Variants in MCF2L observed in about 807,000 individuals in gnomAD.
MCF2L encodes the protein MCF.2 cell line derived transforming sequence like, also known as guanine nucleotide exchange factor DBS.
Under a neutral mutation model 153.4 loss-of-function variants are expected in MCF2L, and 97 were observed. The observed-to-expected ratio is 0.63, with a 90% CI of 0.54 to 0.75. The LOEUF is 0.75. Among genes scored for constraint, MCF2L ranks in the 30% least tolerant of loss-of-function variants. MCF2L has a pLI of 0.00. For synonymous variants in MCF2L, 659 were observed against 632.2 expected (o/e 1.04, Z -0.64); for missense variants, 1,347 against 1,495.2 (o/e 0.90, Z 1.64).
intron 2 of MCF2L, among the ~76,000 whole-genome samples, chr13:112,926,401 C>T (rs1235819556): frequency 6.8e-6 from 1 of 146,462 alleles, no homozygotes; most frequent in Admixed American, 6.9e-5. Context: ...ACGGCCTGGT[C>T]TACATATACA....
Position 112,941,322 on chromosome 13 carries a change from A to T in MCF2L, c.169+38951A>T, listed in dbSNP as rs2081573034. ...CCCATAAGCCATATATATATATTTC[A>T]TATTATATATTATATATAATTCAAA... On this transcript the variant is annotated intron_variant, in intron 2 of 29. Transcript: ENST00000375608. The surrounding 1 kb of genome is among the most constrained non-coding windows in gnomAD (Gnocchi z 4.9). 6.7e-6 allele frequency among the ~76,000 whole-genome samples: 1 copy of T among 148,828 alleles called. No individual in the cohort carries two copies. Among genetic ancestry groups the T allele is most frequent in the African/African-American group, 2.4e-5 (1 of 40,870 alleles).
intron 3 of MCF2L, among the ~76,000 whole-genome samples, chr13:113,030,475 C>T (rs1232224861): frequency 3.4e-5 from 5 of 148,408 alleles, no homozygotes; most frequent in African/African-American, 1.3e-4. Context: ...TGTGGGCCCT[C>T]GGGTGTCCGC....
intron 13 of MCF2L, 49 bp from the exon 14 acceptor site, chr13:113,078,314 C>T: frequency 6.8e-7 from 1 of 1,462,322 alleles, no homozygotes; most frequent in South Asian, 1.1e-5. Context: ...CTTCCCCTCT[C>T]CAGAGGGTCA....
chr13:113,066,702 C>T (rs973330831), intron 8 of MCF2L, among the ~76,000 whole-genome samples: 9 of 152,014 alleles, frequency 5.9e-5, no homozygotes, highest in Middle Eastern at 3.4e-3. Context: ...CCTCACCCCC[C>T]GAGAACTCCC....
chr13:112,964,153 G>C (rs186901056), intron 2 of MCF2L, among the ~76,000 whole-genome samples: 2 of 152,216 alleles, frequency 1.3e-5, no homozygotes, highest in Non-Finnish European at 2.9e-5. Context: ...AGCCCACCTC[G>C]GATGGCCCCT....
chr13:112,909,221 G>A (rs1261870328), intron 2 of MCF2L: 1 of 779,584 alleles, frequency 1.3e-6, no homozygotes, highest in African/African-American at 1.7e-5. Flanking sequence ...CCTCTCCCCA[G>A]ATGTCTAATC....
intron 2 of MCF2L, among the ~76,000 whole-genome samples, chr13:112,942,350 T>C (rs7339051): frequency 0.26 from 39,553 of 152,156 alleles, 5,301 homozygotes; most frequent in African/African-American, 0.29. Flanking sequence ...GCCCCCTGTC[T>C]GGTAGACATG....
chr13:112,956,136 G>A lies in MCF2L; in HGVS notation c.169+53765G>A, dbSNP rs150333548. ...AGCCGTGCTTGTAGGGCTGGCCTGG[G>A]AGGGCATCCCTGGTCCGCAGAGGCC... On this transcript the variant is annotated intron_variant, in intron 2 of 29. Coordinates refer to the MCF2L transcript ENST00000375608. The A allele has an allele frequency of 5.4e-3, 817 of 152,608 alleles. 2 individuals carry two copies. The highest frequency in any genetic ancestry group is 8.7e-3 in the Non-Finnish European group (595 of 68,192). 9.5% of individuals were successfully genotyped at this position (152,608 alleles called of 1,614,324 possible).
At chr13:113,011,595 G>A (rs2084111135) in intron 1 of MCF2L, among the ~76,000 whole-genome samples, 1 of 151,674 alleles carries the variant, frequency 6.6e-6, no homozygotes, top group African/African-American at 2.4e-5. Flanking sequence ...GGTGTGGACG[G>A]TGGACACTGC....
At chr13:113,002,423 GGGGACGCCTGGCCACTGCTGT>G (rs2083437162) in intron 1 of MCF2L, among the ~76,000 whole-genome samples, 1 of 152,264 alleles carries the variant, frequency 6.6e-6, no homozygotes, top group Non-Finnish European at 1.5e-5. Flanking sequence ...CCTCCTTGGA[GGGGACGCCTGGCCACTGCTGT>G]CCCCACAATG....
intron 26 of MCF2L, chr13:113,093,708 T>G (rs1197049120): frequency 6.6e-6 from 1 of 152,346 alleles, no homozygotes; most frequent in Admixed American, 6.5e-5. Context: ...GGTGTGCATG[T>G]GTCCTGCCTC....
At chr13:112,925,681 C>T (rs1420498777) in intron 2 of MCF2L, among the ~76,000 whole-genome samples, 1 of 152,084 alleles carries the variant, frequency 6.6e-6, no homozygotes, top group Admixed American at 6.5e-5. Flanking sequence ...GCCAGGAAGC[C>T]TCCTGGGGTA....
rs963454782 is a variant in MCF2L, at chr13:113,064,515, A to G, written c.606+95A>G. On this transcript the variant is annotated intron_variant, in intron 6 of 29. Transcript: ENST00000535094. This position sits in a 1 kb window ranked among gnomAD's most constrained non-coding sequence, Gnocchi z 6.0. ...TTACAACACGGCCCTTTCCAAAAAC[A>G]CATTCACATTAACAGTCGTTTTCTT... The G allele has an allele frequency of 2.6e-6, 2 of 763,026 alleles. No homozygotes were observed. The highest frequency in any genetic ancestry group is 3.4e-5 in the African/African-American group (2 of 58,428). The allele number at this position is 763,026 out of a possible 1,614,324, so 47.3% of individuals were successfully genotyped here. A position where few individuals can be genotyped will look rare whatever the true frequency, so the allele number is the denominator to read the frequency against.
intron 2 of MCF2L, chr13:112,917,139 C>T: frequency 2.1e-6 from 1 of 471,302 alleles, no homozygotes; most frequent in Admixed American, 2.3e-5. Context: ...AGTCCCCTGG[C>T]TTGTGACCCA....
At chr13:113,083,902 C>G (rs548926946) in intron 17 of MCF2L, 96 bp from the exon 18 acceptor site, 21 of 898,088 alleles carry the variant, frequency 2.3e-5, no homozygotes, top group East Asian at 1.7e-4. Flanking sequence ...CAGAGCAAGG[C>G]GTAACAGGCT....
chr13:113,058,682 G>A (rs369013940), intron 4 of MCF2L, among the ~76,000 whole-genome samples: 28 of 148,966 alleles, frequency 1.9e-4, no homozygotes, highest in East Asian at 1.4e-3. Context: ...GTGTTTGGGC[G>A]CTGAGTGGGC....
rs2142157207 is a variant in MCF2L at position 113,096,668 on chromosome 13, C to T, written c.3292+15C>T. The T allele has an allele frequency of 1.3e-6, 2 of 1,574,560 alleles. No homozygotes were observed. The highest frequency in any genetic ancestry group is 1.7e-6 in the Non-Finnish European group (2 of 1,167,188). On this transcript the variant is annotated intron_variant, in intron 29 of 29. Coordinates refer to ENST00000535094, the MANE Select transcript of MCF2L (RefSeq NM_001112732.3). ...GAGCAGCTCAGGTAAGGCCCACGTG[C>T]CCCGAGCCCACCCGTGACGCTGCCA...
At chr13:113,060,434 G>A (rs2031191115) in intron 4 of MCF2L, among the ~76,000 whole-genome samples, 159 bp from the exon 5 acceptor site, 1 of 152,224 alleles carries the variant, frequency 6.6e-6, no homozygotes, top group African/African-American at 2.4e-5. Flanking sequence ...ACAGAGGCCA[G>A]CATCTCTACC....
intron 1 of MCF2L, chr13:112,985,270 T>C (rs2082588016): frequency 2.6e-6 from 1 of 391,882 alleles, no homozygotes; most frequent in Non-Finnish European, 5.3e-6. Flanking sequence ...AGCCAGCTGG[T>C]CCCTCATGCA....
Sources: allele counts gnomAD v4.1 joint callset (sites outside exome capture counted in the v4.1 genomes callset), GRCh38; gene constraint gnomAD v4.1.1; non-coding constraint Gnocchi (gnomAD v3.1); transcripts MANE v1.5; gene names NCBI Gene and HGNC (gene_info 2026-07-23, HGNC 2026-07-21).